Variants in CUBN observed in about 807,000 individuals in gnomAD.
CUBN encodes 460 kDa receptor.
A neutral mutation model predicts 405.3 loss-of-function variants in CUBN; 282 were observed. That is an observed-to-expected ratio of 0.70 (90% confidence interval 0.63 to 0.77). The LOEUF is 0.77. CUBN is among the 30% of genes least tolerant of loss of function. The pLI, the probability that CUBN is intolerant of heterozygous loss-of-function variation, is 0.00. For missense variants in CUBN, 4,514 were observed against 4,475.2 expected (o/e 1.01, Z -0.25); for synonymous variants, 1,684 against 1,617.0 (o/e 1.04, Z -0.99).
At chr10:16,999,931 G>C (rs1428169152) in intron 28 of CUBN, among the ~76,000 whole-genome samples, 2 of 152,100 alleles carry the variant, frequency 1.3e-5, no homozygotes, top group Non-Finnish European at 1.5e-5. Flanking sequence ...CGGAGAAATG[G>C]ACACAGGTGG....
At chr10:16,983,333 T>C (rs1833331294) in intron 30 of CUBN, among the ~76,000 whole-genome samples, 1 of 152,168 alleles carries the variant, frequency 6.6e-6, no homozygotes, top group Non-Finnish European at 1.5e-5. Context: ...AGAGCTCTTA[T>C]ATAGATACCT....
At chr10:16,991,123 T>C (rs1475603748) in intron 28 of CUBN, among the ~76,000 whole-genome samples, 4 of 152,322 alleles carry the variant, frequency 2.6e-5, no homozygotes, top group South Asian at 4.1e-4. Flanking sequence ...ACAGCATGTG[T>C]TTCAGAATCT....
chr10:17,108,718 A>C (rs1218836173), intron 10 of CUBN, among the ~76,000 whole-genome samples: 1 of 152,184 alleles, frequency 6.6e-6, no homozygotes, highest in Non-Finnish European at 1.5e-5. Context: ...AGAAATAGTA[A>C]GAGAAAAGAT....
At chr10:16,996,167 A>G (rs1392592983) in intron 28 of CUBN, among the ~76,000 whole-genome samples, 1 of 152,188 alleles carries the variant, frequency 6.6e-6, no homozygotes, top group African/African-American at 2.4e-5. Context: ...AACCTGGAAA[A>G]CGTAAACAAA....
At chr10:16,860,844 A>G (rs981941571) in intron 59 of CUBN, among the ~76,000 whole-genome samples, 2 of 152,140 alleles carry the variant, frequency 1.3e-5, no homozygotes, top group African/African-American at 4.8e-5. Flanking sequence ...CTATTGCAAT[A>G]CTTTTCTAAC....
intron 31 of CUBN, among the ~76,000 whole-genome samples, chr10:16,955,341 C>G (rs1400714065): frequency 7.1e-6 from 1 of 141,502 alleles, no homozygotes; most frequent in Non-Finnish European, 1.5e-5. Flanking sequence ...CCACTGCACT[C>G]CAGCCTGGGC....
intron 28 of CUBN, among the ~76,000 whole-genome samples, chr10:17,017,235 C>A (rs529394758): frequency 1.3e-5 from 2 of 152,158 alleles, no homozygotes; most frequent in Non-Finnish European, 2.9e-5. Context: ...CACTCACCAA[C>A]GCAGCAGCAG....
intron 4 of CUBN, among the ~76,000 whole-genome samples, chr10:17,126,164 G>T (rs181456763): frequency 2.6e-5 from 4 of 152,290 alleles, no homozygotes; most frequent in Admixed American, 2.6e-4. Context: ...AAGAGATTCT[G>T]TACATTTCTC....
intron 28 of CUBN, among the ~76,000 whole-genome samples, chr10:17,003,267 T>C (rs967897420): frequency 1.3e-5 from 2 of 152,198 alleles, no homozygotes; most frequent in African/African-American, 4.8e-5. Flanking sequence ...TGTGACATTA[T>C]GTCTATCACA....
At chr10:17,080,812 G>A (rs1287731304) in intron 17 of CUBN, among the ~76,000 whole-genome samples, 1 of 152,166 alleles carries the variant, frequency 6.6e-6, no homozygotes, top group Non-Finnish European at 1.5e-5. Flanking sequence ...AAATATTAAT[G>A]AGAGGTGCTG....
Position 17,043,971 on chromosome 10 carries a change from G to A in CUBN, c.3685C>T (p.Pro1229Ser). Reference sequence around the variant, plus strand: ...GTTAGCAGATGAGAGTTGCTACTTGGGCCATCATATACCTTTAAGAAAATA... The same window carrying A: ...GTTAGCAGATGAGAGTTGCTACTTGAGCCATCATATACCTTTAAGAAAATA... Reference protein sequence around the residue: ...TLDYLAVYDGPSSNSHLLTQL... With the variant: ...TLDYLAVYDGSSSNSHLLTQL... The change falls in exon 26 of 67, where the codon CCA (proline) becomes TCA (serine). Residue 1229 changes from proline (P) to serine (S), a missense_variant. By Grantham distance (74) the Pro-to-Ser change is moderately conservative (BLOSUM62 -1). Coordinates refer to ENST00000377833, the MANE Select transcript of CUBN (RefSeq NM_001081.4). 1 of 1,612,824 alleles carries A rather than the reference G, an allele frequency of 6.2e-7. No homozygotes were observed. Among genetic ancestry groups the A allele is most frequent in the Non-Finnish European group, 8.5e-7 (1 of 1,179,334 alleles).
intron 14 of CUBN, among the ~76,000 whole-genome samples, chr10:17,094,286 A>G (rs1836326851): frequency 6.6e-6 from 1 of 152,116 alleles, no homozygotes; most frequent in Non-Finnish European, 1.5e-5. Context: ...GAGAGCTAAT[A>G]GGAAATGGTC....
At position 17,071,817 on chromosome 10, in the gene CUBN, G is replaced by A. The variant is rs768764239; in HGVS notation, c.2446+10C>T. The A allele has an allele frequency of 1.9e-6, 3 of 1,610,434 alleles. No homozygotes were observed. Among genetic ancestry groups the A allele is most frequent in the Non-Finnish European group, 2.5e-6 (3 of 1,178,966 alleles). On this transcript the variant is annotated intron_variant, in intron 18 of 66. Transcript: ENST00000377833. ...CAAATTAGACATTTAAAAATTATAT[G>A]TTTCCTTACCGACTTGATAAACAGC... is the stretch of plus-strand genomic sequence containing the variant.
chr10:16,931,970 T>C (rs1241678528), intron 40 of CUBN, among the ~76,000 whole-genome samples: 1 of 152,238 alleles, frequency 6.6e-6, no homozygotes, highest in Non-Finnish European at 1.5e-5. Context: ...GCACATCCTT[T>C]CCATTACATG....
At chr10:17,103,343 A>G in intron 12 of CUBN, 106 bp from the exon 13 acceptor site, 1 of 743,650 alleles carries the variant, frequency 1.3e-6, no homozygotes, top group Non-Finnish European at 2.4e-6. Flanking sequence ...TGAGTAATGA[A>G]GGTTGGAGAT....
chr10:16,990,355 C>G lies in CUBN; in HGVS notation c.4329G>C (p.Arg1443Ser). ...CTACCTCCAAGACATCAAAGTTGCA[C>G]CTTGAATGATACTCCACATCGAAGT... Reference protein sequence around the residue: ...IHDFDVEYHSRCNFDVLEIYG... With the variant: ...IHDFDVEYHSSCNFDVLEIYG... Residue 1443 changes from arginine (R) to serine (S), a missense_variant, in exon 29 of 67, where the codon AGG becomes AGC. By Grantham distance (110) the Arg-to-Ser change is moderately radical. Coordinates refer to ENST00000377833, the MANE Select transcript of CUBN (RefSeq NM_001081.4). 1 of 1,614,200 alleles carries G rather than the reference C, an allele frequency of 6.2e-7. No individual in the cohort carries two copies. Among genetic ancestry groups the G allele is most frequent in the Non-Finnish European group, 8.5e-7 (1 of 1,180,032 alleles).
chr10:16,894,807 G>A (rs576874791), intron 54 of CUBN, among the ~76,000 whole-genome samples: 18 of 152,272 alleles, frequency 1.2e-4, no homozygotes, highest in Admixed American at 3.9e-4. Context: ...TCTTTACTAT[G>A]TTGAGTCTTC....
intron 31 of CUBN, among the ~76,000 whole-genome samples, chr10:16,961,734 C>T (rs1376296552): frequency 6.0e-4 from 56 of 93,314 alleles, no homozygotes; most frequent in Non-Finnish European, 9.8e-5. Flanking sequence ...TTTTTTGAGA[C>T]GGAGTCTCGC....
chr10:16,895,349 A>T (rs530623522), intron 54 of CUBN, among the ~76,000 whole-genome samples: 544 of 140,780 alleles, frequency 3.9e-3, no homozygotes, highest in South Asian at 7.9e-3. Context: ...ACACACACAC[A>T]CACACACACA....
Sources: gnomAD v4.1 joint callset for allele counts (sites outside exome capture counted in the v4.1 genomes callset) on GRCh38, gnomAD v4.1.1 for gene constraint, MANE v1.5 for transcripts, NCBI Gene and HGNC (gene_info 2026-07-23, HGNC 2026-07-21) for gene names.